ARHGAP45: variants seen among roughly 807,000 people sequenced by gnomAD.
ARHGAP45 encodes the protein Rho GTPase activating protein 45.
ARHGAP45 carries 56 observed loss-of-function variants against 116.1 expected under a neutral mutation model. The ratio of observed to expected loss-of-function variants is 0.48; its 90% CI spans 0.39 to 0.60. The LOEUF is 0.60. ARHGAP45 is among the 20% of genes least tolerant of loss of function. The pLI, the probability that ARHGAP45 is intolerant of heterozygous loss-of-function variation, is 0.00. For missense variants in ARHGAP45, 1,622 were observed against 1,601.0 expected, an observed-to-expected ratio of 1.01 and a Z score of -0.22; for synonymous variants, 866 against 701.7, an observed-to-expected ratio of 1.23 and a Z score of -3.70.
At chr19:1,084,387 CGT>C in intron 22 of ARHGAP45, 41 bp downstream of exon 22, 1 of 1,502,164 alleles carries the variant, frequency 6.7e-7, no homozygotes, top group Non-Finnish European at 9.1e-7. Flanking sequence ...GGGAGGCTGG[CGT>C]GTGCCACCCA....
Position 1,080,058 on chromosome 19 carries a change from A to G in ARHGAP45, c.1643A>G (p.Gln548Arg). 1 of 1,612,730 alleles carries G rather than the reference A, an allele frequency of 6.2e-7. No homozygotes were observed. The highest frequency in any genetic ancestry group is 8.5e-7 in the Non-Finnish European group (1 of 1,179,908). The change falls in exon 13 of 23, where the codon CAG becomes CGG. Residue 548 changes from glutamine (Q) to arginine (R), a missense_variant. Around this residue, in one of 3 missense-constraint regions of ARHGAP45, gnomAD observed 1,334 missense variants for 1,263.8 expected, o/e 1.06. Transcript: ENST00000313093. ...TACGCCTCCCACGTGCGCCAGCTGC[A>G]GCGGGACCAGGAGCCCGATGTGCAC... ...QQYASHVRQLQRDQEPDVHYD... is the reference protein window; with the variant it reads ...QQYASHVRQLRRDQEPDVHYD...
intron 13 of ARHGAP45, 28 bp downstream of exon 13, chr19:1,080,146 G>C: frequency 6.2e-7 from 1 of 1,610,484 alleles, no homozygotes; most frequent in Non-Finnish European, 8.5e-7. Flanking sequence ...CCCTGTCCCC[G>C]GCGCACAAGG....
In ARHGAP45 at chr19:1,080,788, T is replaced by G. The variant is rs753991396; in HGVS notation, c.2017+2T>G. ...CCGGGGCTTCAGCCTTTGAGCAGGG[T>G]GAGGGTCCCCTGACGGGGCTGGAGA... On this transcript the variant is annotated splice_donor_variant, in intron 16 of 22. Transcript: ENST00000313093. LOFTEE classifies it high-confidence loss of function. The G allele has an allele frequency of 6.2e-7, 1 of 1,613,022 alleles. No homozygotes were observed. The highest frequency in any genetic ancestry group is 8.5e-7 in the Non-Finnish European group (1 of 1,179,810).
In ARHGAP45 at chr19:1,080,384, G is replaced by A. The variant is rs370918413; in HGVS notation, c.1828+5G>A. ...CACCTGCCAAGGACCACAGGGGTGA[G>A]TGTCCGGCGGGGCCCAGGGGCGGAC... On this transcript the variant is annotated splice_donor_5th_base_variant and intron_variant, in intron 14 of 22. Transcript: ENST00000313093. 5.6e-6 allele frequency: 9 copies of A among 1,607,470 alleles called. No individual in the cohort carries two copies. In the East Asian group the frequency reaches 2.0e-4, roughly 36 times the overall value.
rs1360652404 is a variant in ARHGAP45, at chr19:1,085,801, G to A, written c.3206G>A (p.Gly1069Asp). Residue 1069 changes from glycine (G) to aspartate (D), a missense_variant, in exon 23 of 23, where the codon GGC becomes GAC. Around this residue, in one of 3 missense-constraint regions of ARHGAP45, gnomAD observed 1,334 missense variants for 1,263.8 expected, o/e 1.06. Coordinates refer to ENST00000313093, the MANE Select transcript of ARHGAP45 (RefSeq NM_012292.5). ...QSEASLEVAS[G>D]SHSGSEEQLE... ...GAGGCCAGCCTAGAGGTGGCTTCTG[G>A]CAGCCACAGCGGCAGTGAGGAGCAG... is the stretch of plus-strand genomic sequence containing the variant. 1.2e-6 allele frequency: 2 copies of A among 1,612,628 alleles called. No homozygotes were observed. The highest frequency in any genetic ancestry group is 1.7e-6 in the Non-Finnish European group (2 of 1,179,918).
intron 5 of ARHGAP45, 61 bp downstream of exon 5, chr19:1,073,807 C>T: frequency 6.5e-7 from 1 of 1,542,372 alleles, no homozygotes; most frequent in Admixed American, 2.0e-5. Flanking sequence ...GGGTTCAGGT[C>T]TGCAGGGCCC....
Position 1,086,074 on chromosome 19 carries a change from T to TGCACC in ARHGAP45, c.*69_*73dup, listed in dbSNP as rs2043637645. 5.8e-6 allele frequency: 8 copies of TGCACC among 1,388,382 alleles called. No individual in the cohort carries two copies. In the Middle Eastern group the frequency reaches 9.7e-4, roughly 169 times the overall value. 86.0% of individuals were successfully genotyped at this position (1,388,382 alleles called of 1,614,324 possible). A position where few individuals can be genotyped will look rare whatever the true frequency, so the allele number is the denominator to read the frequency against. ...GCTCCTGTCCCTCCAGCACGTCCCC[T>TGCACC]GCACCACGGCATAGCTTAGGTGCGC... On this transcript the variant is annotated 3_prime_UTR_variant, in exon 23 of 23. Coordinates refer to ENST00000313093, the MANE Select transcript of ARHGAP45 (RefSeq NM_012292.5).
chr19:1,071,169 G>A lies in ARHGAP45; in HGVS notation c.422-1980G>A. On this transcript the variant is annotated intron_variant, in intron 2 of 22. Coordinates refer to ENST00000313093, the MANE Select transcript of ARHGAP45 (RefSeq NM_012292.5). This position sits in a 1 kb window ranked among gnomAD's most constrained non-coding sequence, Gnocchi z 4.6. ...GGGGCGAACGGGACCCCAGGGCGGG[G>A]TTTCCCTCGCGGGGGCGGGGCCTCC... 1 of 1,327,990 alleles carries A rather than the reference G, an allele frequency of 7.5e-7. No individual in the cohort carries two copies. The highest frequency in any genetic ancestry group is 9.6e-7 in the Non-Finnish European group (1 of 1,040,122). The allele number at this position is 1,327,990 out of a possible 1,614,324, so 82.3% of individuals were successfully genotyped here. A position where few individuals can be genotyped will look rare whatever the true frequency, so the allele number is the denominator to read the frequency against.
chr19:1,077,643 C>G, intron 10 of ARHGAP45: 3 of 1,432,220 alleles, frequency 2.1e-6, no homozygotes, highest in Non-Finnish European at 2.7e-6. Flanking sequence ...GCCTCGGCCT[C>G]CCAAAGTGCT....
chr19:1,067,627 C>T (rs571176904), intron 1 of ARHGAP45, 132 bp downstream of exon 1: 1 of 883,390 alleles, frequency 1.1e-6, no homozygotes, highest in Non-Finnish European at 1.8e-6. Context: ...CCGGGCGGGA[C>T]GGCAGGGGCC....
In ARHGAP45 at chr19:1,081,623, G is replaced by T. The variant is rs769132323; in HGVS notation, c.2264G>T (p.Arg755Leu). 2 of 1,564,958 alleles carry T rather than the reference G, an allele frequency of 1.3e-6. No individual in the cohort carries two copies. The highest frequency in any genetic ancestry group is 1.7e-6 in the Non-Finnish European group (2 of 1,154,822). ...TGCGGGCACAAGAAGCTGCAAGGCC[G>T]CCTGCAGCTGTTCGGCCAGGACTTC... Reference protein sequence around the residue: ...IQCGHKKLQGRLQLFGQDFSH... With the variant: ...IQCGHKKLQGLLQLFGQDFSH... Residue 755 changes from arginine to leucine, a missense_variant, in exon 18 of 23, where the codon CGC becomes CTC. Transcript: ENST00000313093.
Position 1,073,061 on chromosome 19 carries a change from G to C in ARHGAP45, c.422-88G>C, listed in dbSNP as rs149391053. ...CCTCTGCCTCAGTTTCCCCATCTGG[G>C]AACAGGAGCTCTAAAGAGGGAGGAG... is the stretch of plus-strand genomic sequence containing the variant. On this transcript the variant is annotated intron_variant, in intron 2 of 22. Transcript: ENST00000313093. 72 of 1,450,746 alleles carry C rather than the reference G, an allele frequency of 5.0e-5. No individual in the cohort carries two copies. The African/African-American group carries it at 1.0e-3, about 20-fold the overall frequency. The allele number at this position is 1,450,746 out of a possible 1,614,324, so 89.9% of individuals were successfully genotyped here.
chr19:1,081,995 G>A, intron 19 of ARHGAP45, 34 bp downstream of exon 19: 1 of 1,600,522 alleles, frequency 6.2e-7, no homozygotes, highest in Non-Finnish European at 8.5e-7. Context: ...GGCAGAGCCT[G>A]GAAGGGGCGT....
rs547282117 is a variant in ARHGAP45 at position 1,069,525 on chromosome 19, C to T, written c.421+781C>T. ...ACGAAACTAAGTCTCTAGTGAGGCC[C>T]TGACCCCTGGCTCACCCAGCCAGGG... On this transcript the variant is annotated intron_variant, in intron 2 of 22. Transcript: ENST00000313093. The surrounding 1 kb of genome is among the most constrained non-coding windows in gnomAD (Gnocchi z 4.1). Among the ~76,000 whole-genome samples the T allele has an allele frequency of 5.9e-5, 9 of 152,214 alleles. No homozygotes were observed. Among genetic ancestry groups the T allele is most frequent in the Non-Finnish European group, 1.2e-4 (8 of 68,044 alleles).
At chr19:1,080,638 C>T (rs768667238) in intron 15 of ARHGAP45, 44 bp from the exon 16 acceptor site, 2 of 1,595,630 alleles carry the variant, frequency 1.3e-6, no homozygotes, top group Non-Finnish European at 1.7e-6. Flanking sequence ...ATGGAGGGGG[C>T]CCCCCTGGCT....
At position 1,074,706 on chromosome 19, in the gene ARHGAP45, G is replaced by T; in HGVS notation, c.1086G>T (p.Gln362His). The T allele has an allele frequency of 6.2e-7, 1 of 1,609,348 alleles. No individual in the cohort carries two copies. Residue 362 changes from glutamine to histidine, a missense_variant, in exon 9 of 23, where the codon CAG (glutamine) becomes CAT (histidine). By Grantham distance (24) the Gln-to-His change is conservative. Coordinates refer to ENST00000313093, the MANE Select transcript of ARHGAP45 (RefSeq NM_012292.5). ...TGGTGCAGGCGGTGGGCACCTTGCAGACCCAGACCTTCATGCAGGTGCGTG... is the reference window on the plus strand; with the variant it reads ...TGGTGCAGGCGGTGGGCACCTTGCATACCCAGACCTTCATGCAGGTGCGTG... Reference protein sequence around the residue: ...HSMVQAVGTLQTQTFMQPLTL... With the variant: ...HSMVQAVGTLHTQTFMQPLTL...
Position 1,082,881 on chromosome 19 carries a change from C to A in ARHGAP45, c.2559C>A (p.Leu853=). 3 of 1,581,744 alleles carry A rather than the reference C, an allele frequency of 1.9e-6. No individual in the cohort carries two copies. The highest frequency in any genetic ancestry group is 2.3e-5 in the South Asian group (2 of 87,234). The part of the protein sequence containing the change: ...PLISFRLYHE[L]VGLAKDSLKA... Reference sequence around the variant, plus strand: ...TCTCCTTCCGCCTCTACCACGAGCTCGTAGGGCTGGCCAAGGACAGCCTGA... The same window carrying A: ...TCTCCTTCCGCCTCTACCACGAGCTAGTAGGGCTGGCCAAGGACAGCCTGA... Residue 853 remains leucine (L), a synonymous_variant, in exon 20 of 23, where the codon CTC becomes CTA. Transcript: ENST00000313093.
intron 1 of ARHGAP45, chr19:1,067,750 G>A: frequency 1.5e-6 from 1 of 670,002 alleles, no homozygotes; most frequent in Non-Finnish European, 2.7e-6. Flanking sequence ...GAGCAGGAAG[G>A]GAGGGTGCCG....
At chr19:1,085,555 C>CCTGTCTCTCCATCTCTCT in intron 22 of ARHGAP45, 105 bp from the exon 23 acceptor site, 1 of 774,104 alleles carries the variant, frequency 1.3e-6, no homozygotes, top group Non-Finnish European at 2.0e-6. Flanking sequence ...CTCCATCTCT[C>CCTGTCTCTCCATCTCTCT]TCCCCCCTCT....
Sources: gnomAD v4.1 joint callset for allele counts (sites outside exome capture counted in the v4.1 genomes callset) on GRCh38, gnomAD v4.1.1 for gene constraint, gnomAD v4.1.1 regional missense constraint, Gnocchi (gnomAD v3.1) non-coding constraint, MANE v1.5 for transcripts, NCBI Gene and HGNC (gene_info 2026-07-23, HGNC 2026-07-21) for gene names.